The following PPP2R2A variants were observed in gnomAD, a reference collection of about 807,000 sequenced individuals.
PPP2R2A encodes protein phosphatase 2 regulatory subunit Balpha.
A neutral mutation model predicts 53.2 loss-of-function variants in PPP2R2A; 9 were observed. That is an observed-to-expected ratio of 0.17 (90% CI 0.10 to 0.30). The LOEUF is 0.30. Ranked by LOEUF, PPP2R2A falls within the 10% of genes least tolerant of loss-of-function variation. The pLI, the probability that PPP2R2A is intolerant of heterozygous loss-of-function variation, is 1.00. For missense variants in PPP2R2A, 235 were observed against 534.6 expected, an observed-to-expected ratio of 0.44 and a Z score of 5.53; for synonymous variants, 169 against 174.2, an observed-to-expected ratio of 0.97 and a Z score of 0.23.
chr8:26,294,806 T>A (rs1474565052), intron 2 of PPP2R2A, among the ~76,000 whole-genome samples: 2 of 152,194 alleles, frequency 1.3e-5, no homozygotes, highest in African/African-American at 4.8e-5. Flanking sequence ...TAGAGTGTGG[T>A]GAATCCTATG....
chr8:26,330,798 C>G (rs1338009023), intron 2 of PPP2R2A, among the ~76,000 whole-genome samples: 6 of 152,106 alleles, frequency 3.9e-5, no homozygotes, highest in Admixed American at 6.6e-5. Context: ...GATTGGAAAC[C>G]AGACAGTGTG....
At chr8:26,310,622 A>T (rs1011642717) in intron 2 of PPP2R2A, among the ~76,000 whole-genome samples, 22 of 148,122 alleles carry the variant, frequency 1.5e-4, no homozygotes, top group Admixed American at 8.1e-4. Flanking sequence ...AGGATATATT[A>T]TCTGGAAATG....
At chr8:26,336,018 C>T (rs568800424) in intron 2 of PPP2R2A, among the ~76,000 whole-genome samples, 4 of 152,222 alleles carry the variant, frequency 2.6e-5, no homozygotes, top group African/African-American at 9.6e-5. Context: ...CTTCCATTCA[C>T]ATGTTCAGTG....
chr8:26,343,492 C>T (rs900493106), intron 3 of PPP2R2A, among the ~76,000 whole-genome samples: 9 of 151,778 alleles, frequency 5.9e-5, no homozygotes, highest in African/African-American at 2.2e-4. Context: ...CTGCCTCAGC[C>T]TCCTGAGTAG....
chr8:26,340,639 T>C (rs1244050669), intron 3 of PPP2R2A, among the ~76,000 whole-genome samples: 4 of 152,092 alleles, frequency 2.6e-5, no homozygotes, highest in African/African-American at 9.7e-5. Context: ...TGGAACTATT[T>C]TGCCTGAGAA....
intron 2 of PPP2R2A, among the ~76,000 whole-genome samples, chr8:26,334,848 G>C (rs1803574465): frequency 6.6e-6 from 1 of 152,172 alleles, no homozygotes; most frequent in East Asian, 1.9e-4. Context: ...ATGGGTATCA[G>C]AACATGAGAA....
intron 7 of PPP2R2A, chr8:26,363,506 TA>T (rs1805223020): frequency 2.4e-6 from 1 of 419,226 alleles, no homozygotes; most frequent in Non-Finnish European, 4.2e-6. Flanking sequence ...TGACTGGAAG[TA>T]TACTGCATAC....
intron 2 of PPP2R2A, among the ~76,000 whole-genome samples, chr8:26,311,304 G>A (rs1015867890): frequency 1.3e-5 from 2 of 152,036 alleles, no homozygotes; most frequent in African/African-American, 4.8e-5. Context: ...GCCTATTCCG[G>A]TCCACAAATT....
intron 2 of PPP2R2A, among the ~76,000 whole-genome samples, chr8:26,319,188 A>G (rs1253358953): frequency 6.6e-6 from 1 of 152,110 alleles, no homozygotes; most frequent in Admixed American, 6.5e-5. Flanking sequence ...TATGTACCAC[A>G]TTTTGTTTGT....
At chr8:26,358,924 G>T (rs974412675) in intron 4 of PPP2R2A, 9 of 455,890 alleles carry the variant, frequency 2.0e-5, no homozygotes, top group Admixed American at 7.1e-5. Flanking sequence ...TGGATTTAGT[G>T]ACTCACTTCC....
At chr8:26,333,462 T>C in intron 2 of PPP2R2A, 1 of 1,142,798 alleles carries the variant, frequency 8.8e-7, no homozygotes, top group Non-Finnish European at 1.1e-6. Flanking sequence ...TAACCCTCTT[T>C]GCACTTTGAT....
At chr8:26,314,465 T>C (rs1802444134) in intron 2 of PPP2R2A, among the ~76,000 whole-genome samples, 1 of 151,490 alleles carries the variant, frequency 6.6e-6, no homozygotes, top group Non-Finnish European at 1.5e-5. Context: ...TCACATCTTT[T>C]TCTTTCTTGT....
At chr8:26,339,043 G>GT in intron 3 of PPP2R2A, 56 bp downstream of exon 3, 1 of 1,272,818 alleles carries the variant, frequency 7.9e-7, no homozygotes, top group South Asian at 1.2e-5. Context: ...ACTAGAGCTT[G>GT]TGTTGCACTG....
chr8:26,331,131 G>A (rs969896013), intron 2 of PPP2R2A, among the ~76,000 whole-genome samples: 1 of 152,062 alleles, frequency 6.6e-6, no homozygotes, highest in Non-Finnish European at 1.5e-5. Flanking sequence ...CTGCCTTTAC[G>A]TTGTAGCTGC....
At chr8:26,292,156 C>T in intron 1 of PPP2R2A, 1 of 1,203,598 alleles carries the variant, frequency 8.3e-7, no homozygotes, top group Non-Finnish European at 1.0e-6. Context: ...GGTGGATCTT[C>T]TCCCACCTCC....
chr8:26,334,700 G>A (rs538237471), intron 2 of PPP2R2A, among the ~76,000 whole-genome samples: 2 of 152,062 alleles, frequency 1.3e-5, no homozygotes, highest in South Asian at 2.1e-4. Context: ...AGCCGAGATC[G>A]CGCCACTGCA....
chr8:26,293,465 A>C, intron 1 of PPP2R2A: 1 of 694,692 alleles, frequency 1.4e-6, no homozygotes, highest in Non-Finnish European at 2.3e-6. Context: ...AATATTTCGT[A>C]CCTGGAATCT....
intron 2 of PPP2R2A, among the ~76,000 whole-genome samples, chr8:26,298,966 GTAA>G (rs1379992035): frequency 6.6e-6 from 1 of 152,206 alleles, no homozygotes; most frequent in Admixed American, 6.5e-5. Flanking sequence ...TCTGAAGTGT[GTAA>G]TAATTGGTCA....
chr8:26,292,031 A>C, intron 1 of PPP2R2A: 23 of 860,054 alleles, frequency 2.7e-5, no homozygotes, highest in East Asian at 2.7e-4. Flanking sequence ...GGCTTGGAGA[A>C]CGGGGCTGGC....
Sources: gnomAD v4.1 joint callset for allele counts (sites outside exome capture counted in the v4.1 genomes callset) on GRCh38, gnomAD v4.1.1 for gene constraint, MANE v1.5 for transcripts, NCBI Gene and HGNC (gene_info 2026-07-23, HGNC 2026-07-21) for gene names.